Variants in RIMKLB observed in about 807,000 individuals in gnomAD.
RIMKLB encodes the protein beta-citrylglutamate synthase B.
RIMKLB carries 7 observed loss-of-function variants against 32.0 expected under a neutral mutation model. That is an observed-to-expected ratio of 0.22 (90% CI 0.12 to 0.41). The LOEUF (loss-of-function observed/expected upper bound fraction) is 0.41. Ranked by LOEUF, RIMKLB falls within the 10% of genes least tolerant of loss-of-function variation. The pLI is 1.00. For missense variants in RIMKLB, 289 were observed against 498.7 expected, an observed-to-expected ratio of 0.58 and a Z score of 4.00; for synonymous variants, 172 against 185.1, an observed-to-expected ratio of 0.93 and a Z score of 0.57.
intron 5 of RIMKLB, among the ~76,000 whole-genome samples, chr12:8,754,435 A>G (rs1663600577): frequency 6.6e-6 from 1 of 152,200 alleles, no homozygotes; most frequent in Admixed American, 6.5e-5. Context: ...ATAAGATGTC[A>G]TAACCCATTT....
At chr12:8,686,521 C>G (rs1250660613) in intron 1 of RIMKLB, among the ~76,000 whole-genome samples, 3 of 151,886 alleles carry the variant, frequency 2.0e-5, no homozygotes, top group Admixed American at 2.0e-4. Flanking sequence ...GCTCTGTTGC[C>G]CAGGCTGGAG....
chr12:8,759,175 T>C (rs1477797536), intron 5 of RIMKLB, among the ~76,000 whole-genome samples: 1 of 152,136 alleles, frequency 6.6e-6, no homozygotes, highest in African/African-American at 2.4e-5. Context: ...GGTGGGAGGA[T>C]CACTTGAGGT....
At position 8,775,237 on chromosome 12, in the gene RIMKLB, T is replaced by A; in HGVS notation, c.*1453T>A. 1.0e-6 allele frequency: 1 copy of A among 985,746 alleles called. No individual in the cohort carries two copies. Among genetic ancestry groups the A allele is most frequent in the Non-Finnish European group, 1.2e-6 (1 of 829,844 alleles). The allele number at this position is 985,746 out of a possible 1,614,324, so 61.1% of individuals were successfully genotyped here. On this transcript the variant is annotated 3_prime_UTR_variant, in exon 6 of 6. Transcript: ENST00000535829. ...TGGGATTGGGGGTGGGTTGGATGTT[T>A]TTGTTTGGGGACTTATTTAGTAGTA...
intron 2 of RIMKLB, among the ~76,000 whole-genome samples, chr12:8,728,715 A>G (rs1946259756): frequency 6.6e-6 from 1 of 151,946 alleles, no homozygotes; most frequent in Non-Finnish European, 1.5e-5. Context: ...AGGCTCAAGC[A>G]GTTTCCCACC....
chr12:8,716,966 T>C (rs2137012338), intron 2 of RIMKLB, among the ~76,000 whole-genome samples: 1 of 151,800 alleles, frequency 6.6e-6, no homozygotes, highest in East Asian at 1.9e-4. Flanking sequence ...AAGCTTACTT[T>C]TCCCCTGTAG....
At chr12:8,735,768 T>G (rs1045962305) in intron 2 of RIMKLB, among the ~76,000 whole-genome samples, 2 of 152,194 alleles carry the variant, frequency 1.3e-5, no homozygotes, top group Admixed American at 6.5e-5. Flanking sequence ...TTCGCTCTTA[T>G]TGCTCAGGCT....
intron 1 of RIMKLB, among the ~76,000 whole-genome samples, chr12:8,704,971 A>AACACACACACACACACACAC (rs3076182): frequency 4.5e-4 from 66 of 146,672 alleles, no homozygotes; most frequent in Non-Finnish European, 6.3e-4. Context: ...TCACCTCTAA[A>AACACACACACACACACACAC]ACACACACAC....
At chr12:8,716,089 A>G (rs1053136486) in intron 2 of RIMKLB, among the ~76,000 whole-genome samples, 1 of 152,192 alleles carries the variant, frequency 6.6e-6, no homozygotes, top group Non-Finnish European at 1.5e-5. Flanking sequence ...CTACTCCTAC[A>G]AGGCTTCTGG....
At chr12:8,761,511 A>G (rs1316781831) in intron 5 of RIMKLB, among the ~76,000 whole-genome samples, 1 of 152,112 alleles carries the variant, frequency 6.6e-6, no homozygotes, top group Non-Finnish European at 1.5e-5. Context: ...TGGGGTTTAT[A>G]TACCGATCAT....
downstream of RIMKLB, chr12:8,780,408 A>G (rs1477011839): frequency 6.6e-6 from 1 of 152,126 alleles, no homozygotes; most frequent in Non-Finnish European, 1.5e-5. Flanking sequence ...ACAGTGTTTG[A>G]TTTTATGTGA....
At chr12:8,748,432 A>G (rs1302854102) in intron 2 of RIMKLB, among the ~76,000 whole-genome samples, 3 of 151,942 alleles carry the variant, frequency 2.0e-5, no homozygotes, top group East Asian at 1.9e-4. Context: ...AAAACAGTAT[A>G]TATAGTTCTT....
At chr12:8,768,528 T>C (rs1216180109) in intron 5 of RIMKLB, among the ~76,000 whole-genome samples, 1 of 152,252 alleles carries the variant, frequency 6.6e-6, no homozygotes, top group Non-Finnish European at 1.5e-5. Context: ...TAAAAAACTT[T>C]ATCACATTTG....
chr12:8,740,013 G>T (rs1168560550), intron 2 of RIMKLB, among the ~76,000 whole-genome samples: 1 of 152,100 alleles, frequency 6.6e-6, no homozygotes, highest in Non-Finnish European at 1.5e-5. Flanking sequence ...GGTTCAAGCA[G>T]TTCTGCCTTA....
intron 2 of RIMKLB, among the ~76,000 whole-genome samples, chr12:8,748,903 C>T (rs1425523544): frequency 6.6e-6 from 1 of 152,030 alleles, no homozygotes; most frequent in East Asian, 1.9e-4. Flanking sequence ...CATGCCACTG[C>T]ACTCCAGCCT....
chr12:8,768,500 G>T (rs1453501579), intron 5 of RIMKLB, among the ~76,000 whole-genome samples: 1 of 152,128 alleles, frequency 6.6e-6, no homozygotes, highest in African/African-American at 2.4e-5. Flanking sequence ...TTATAAGATT[G>T]GCCAATATTA....
At chr12:8,760,710 T>G (rs1176769082) in intron 5 of RIMKLB, among the ~76,000 whole-genome samples, 1 of 152,258 alleles carries the variant, frequency 6.6e-6, no homozygotes, top group Non-Finnish European at 1.5e-5. Flanking sequence ...GATGAGCATT[T>G]TTTCATGTGT....
At chr12:8,728,322 G>A (rs1946225025) in intron 2 of RIMKLB, among the ~76,000 whole-genome samples, 1 of 152,212 alleles carries the variant, frequency 6.6e-6, no homozygotes, top group African/African-American at 2.4e-5. Flanking sequence ...GGTGGGAATT[G>A]TGTAAAAGGA....
intron 2 of RIMKLB, among the ~76,000 whole-genome samples, chr12:8,737,002 G>T (rs191926746): frequency 4.0e-5 from 6 of 151,846 alleles, no homozygotes; most frequent in African/African-American, 1.5e-4. Context: ...TAGTAGAGAC[G>T]GGGTTTCACC....
chr12:8,676,538 A>T, the RIMKLB span, among the ~76,000 whole-genome samples: 1 of 151,120 alleles, frequency 6.6e-6, no homozygotes, highest in Non-Finnish European at 1.5e-5. Flanking sequence ...AGCCAGGACT[A>T]CGGGTGTGCA....
Sources: allele counts gnomAD v4.1 joint callset (sites outside exome capture counted in the v4.1 genomes callset), GRCh38; gene constraint gnomAD v4.1.1; transcripts MANE v1.5; gene names NCBI Gene and HGNC (gene_info 2026-07-23, HGNC 2026-07-21).